Variants in SERPINB11 observed in about 807,000 individuals in gnomAD.
The protein encoded by SERPINB11 is serpin B11.
A neutral mutation model predicts 36.7 loss-of-function variants in SERPINB11; 32 were observed. The ratio of observed to expected loss-of-function variants is 0.87; its 90% confidence interval spans 0.66 to 1.17. The LOEUF is 1.17. SERPINB11 is among the 50% of genes most tolerant of loss of function. The pLI is 0.00. For missense variants in SERPINB11, 528 were observed against 458.4 expected, an observed-to-expected ratio of 1.15 and a Z score of -1.39; for synonymous variants, 174 against 168.1, an observed-to-expected ratio of 1.04 and a Z score of -0.27.
rs1019367494 is a variant in SERPINB11, at chr18:63,723,486, C to A, written c.*87C>A. The A allele has an allele frequency of 3.3e-6, 4 of 1,224,598 alleles. No individual in the cohort carries two copies. The African/African-American group carries it at 6.0e-5, about 18-fold the overall frequency. 75.9% of individuals were successfully genotyped at this position (1,224,598 alleles called of 1,614,324 possible). ...TCCCACGGCCAAAAAGCTGTTCACA[C>A]CTCACACACCTCTGTGCCTCAGTTT... On this transcript the variant is annotated 3_prime_UTR_variant, in exon 8 of 8. Coordinates refer to ENST00000544088, the MANE Select transcript of SERPINB11 (RefSeq NM_001370475.1).
intron 1 of SERPINB11, among the ~76,000 whole-genome samples, chr18:63,704,207 A>G (rs1469490103): frequency 6.6e-6 from 1 of 152,244 alleles, no homozygotes; most frequent in Non-Finnish European, 1.5e-5. Context: ...TGACAATTTC[A>G]CAGAAGAATT....
chr18:63,704,915 T>C (rs1914332280), intron 1 of SERPINB11, among the ~76,000 whole-genome samples: 2 of 152,194 alleles, frequency 1.3e-5, no homozygotes, highest in African/African-American at 2.4e-5. Flanking sequence ...AAGGAAACCA[T>C]TTGGGCATCT....
At position 63,711,285 on chromosome 18, in the gene SERPINB11, G is replaced by A. The variant is rs761738137; in HGVS notation, c.169-50G>A. ...ATACTTACAACTGTCAACCTTTATA[G>A]ACTGTACATTGCTTCTGATGCCAAA... is the stretch of plus-strand genomic sequence containing the variant. On this transcript the variant is annotated intron_variant, in intron 2 of 7. Transcript: ENST00000544088. 8.0e-6 allele frequency: 10 copies of A among 1,246,304 alleles called. No homozygotes were observed. In the East Asian group the frequency reaches 2.3e-4, roughly 29 times the overall value. The allele number at this position is 1,246,304 out of a possible 1,614,324, so 77.2% of individuals were successfully genotyped here.
intron 5 of SERPINB11, among the ~76,000 whole-genome samples, chr18:63,718,673 A>T (rs1377208313): frequency 6.6e-6 from 1 of 152,070 alleles, no homozygotes; most frequent in East Asian, 1.9e-4. Flanking sequence ...GATTTCTTTT[A>T]GCATAAGGAC....
chr18:63,711,415 T>A (rs751923462), intron 3 of SERPINB11, 21 bp downstream of exon 3: 39 of 1,534,544 alleles, frequency 2.5e-5, no homozygotes, highest in Non-Finnish European at 3.2e-5. Context: ...ATTACTGAGT[T>A]GTCAAATGCT....
chr18:63,716,293 A>T, intron 5 of SERPINB11, 141 bp downstream of exon 5: 1 of 514,818 alleles, frequency 1.9e-6, no homozygotes, highest in Non-Finnish European at 3.4e-6. Flanking sequence ...CATATTTTGG[A>T]ATACCCCTTA....
chr18:63,722,907 T>C (rs575302346), intron 7 of SERPINB11, 88 bp from the exon 8 acceptor site: 1 of 1,344,510 alleles, frequency 7.4e-7, no homozygotes, highest in South Asian at 1.6e-5. Flanking sequence ...GTTGAACCAC[T>C]CACACTGAGA....
intron 5 of SERPINB11, among the ~76,000 whole-genome samples, chr18:63,718,355 T>C (rs1355578597): frequency 6.6e-6 from 1 of 152,028 alleles, no homozygotes; most frequent in Non-Finnish European, 1.5e-5. Context: ...ATAGGATTTA[T>C]ATAGAATCTA....
At position 63,715,949 on chromosome 18, in the gene SERPINB11, T is replaced by C; in HGVS notation, c.358-86T>C. 4.0e-6 allele frequency: 3 copies of C among 757,240 alleles called. No homozygotes were observed. In the Admixed American group the frequency reaches 8.8e-5, roughly 22 times the overall value. 46.9% of individuals were successfully genotyped at this position (757,240 alleles called of 1,614,324 possible). Reference sequence around the variant, plus strand: ...ATGGGAACTGCTTTTTTCTCTGCATTAGAATTTTAGAATACATTGAGCTGT... The same window carrying C: ...ATGGGAACTGCTTTTTTCTCTGCATCAGAATTTTAGAATACATTGAGCTGT... On this transcript the variant is annotated intron_variant, in intron 4 of 7. Coordinates refer to ENST00000544088, the MANE Select transcript of SERPINB11 (RefSeq NM_001370475.1).
At position 63,722,977 on chromosome 18, in the gene SERPINB11, C is replaced by T. The variant is rs753627320; in HGVS notation, c.775-18C>T. ...GTGTGTTTGACTCATGTGGGCTTGT[C>T]TGTGTTTTGTCTCTTAGATAGAAAA... On this transcript the variant is annotated intron_variant, in intron 7 of 7. Coordinates refer to ENST00000544088, the MANE Select transcript of SERPINB11 (RefSeq NM_001370475.1). 6.5e-7 allele frequency: 1 copy of T among 1,541,596 alleles called. No homozygotes were observed. Among genetic ancestry groups the T allele is most frequent in the Non-Finnish European group, 8.7e-7 (1 of 1,149,032 alleles).
At chr18:63,704,384 T>A (rs1356999605) in intron 1 of SERPINB11, among the ~76,000 whole-genome samples, 2 of 152,118 alleles carry the variant, frequency 1.3e-5, no homozygotes, top group African/African-American at 4.8e-5. Flanking sequence ...ACATAGAAAC[T>A]CCATTGTGAA....
chr18:63,711,487 T>C, intron 3 of SERPINB11, 93 bp downstream of exon 3: 1 of 946,884 alleles, frequency 1.1e-6, no homozygotes, highest in Non-Finnish European at 1.7e-6. Flanking sequence ...CTCCTTCTTT[T>C]GCCCATGAGG....
In SERPINB11 at chr18:63,711,321, T is replaced by C. The variant is rs572855988; in HGVS notation, c.169-14T>C. ...GCTTCTGATGCCAAAAGATCCCTTT[T>C]TTTTCTTTTCTAGGTGCTTCATTTT... is the stretch of plus-strand genomic sequence containing the variant. On this transcript the variant is annotated splice_polypyrimidine_tract_variant and intron_variant, in intron 2 of 7. Transcript: ENST00000544088. 3.1e-6 allele frequency: 5 copies of C among 1,598,332 alleles called. No homozygotes were observed. The South Asian group carries it at 5.5e-5, about 18-fold the overall frequency.
intron 6 of SERPINB11, chr18:63,720,612 A>G (rs182178450): frequency 2.4e-4 from 113 of 467,900 alleles, no homozygotes; most frequent in African/African-American, 2.2e-3. Context: ...CTATCTCTAT[A>G]TATTATTAGA....
At chr18:63,717,753 A>G (rs540207947) in intron 5 of SERPINB11, among the ~76,000 whole-genome samples, 1 of 152,032 alleles carries the variant, frequency 6.6e-6, no homozygotes, top group Non-Finnish European at 1.5e-5. Flanking sequence ...CTACGTTGCA[A>G]GTAACTTCTA....
chr18:63,716,112 G>T lies in SERPINB11; in HGVS notation c.435G>T (p.Thr145=). Residue 145 remains threonine, a synonymous_variant, in exon 5 of 8, where the codon ACG becomes ACT. Transcript: ENST00000544088. Reference sequence around the variant, plus strand: ...ATTTTGAACAGTCTACAGAAGAAACGAGGAAAACGATTAATGCTTGGGTTG... The same window carrying T: ...ATTTTGAACAGTCTACAGAAGAAACTAGGAAAACGATTAATGCTTGGGTTG... ...TVDFEQSTEE[T]RKTINAWVEN... 1 of 1,611,136 alleles carries T rather than the reference G, an allele frequency of 6.2e-7. No individual in the cohort carries two copies. The highest frequency in any genetic ancestry group is 8.5e-7 in the Non-Finnish European group (1 of 1,178,068).
intron 1 of SERPINB11, among the ~76,000 whole-genome samples, chr18:63,706,356 C>T (rs947976509): frequency 5.9e-5 from 9 of 152,164 alleles, no homozygotes; most frequent in Non-Finnish European, 1.2e-4. Context: ...AAGGACATAT[C>T]CCAGTGAACA....
chr18:63,712,716 T>A, intron 4 of SERPINB11, 23 bp downstream of exon 4: 1 of 1,603,664 alleles, frequency 6.2e-7, no homozygotes, highest in South Asian at 1.1e-5. Flanking sequence ...GGAAGAGTGA[T>A]CAACAACTTT....
At chr18:63,720,760 G>T in intron 6 of SERPINB11, 71 bp from the exon 7 acceptor site, 1 of 1,139,742 alleles carries the variant, frequency 8.8e-7, no homozygotes, top group Non-Finnish European at 1.2e-6. Context: ...TCCGTGTTAT[G>T]CAAGGTAATC....
Sources: allele counts gnomAD v4.1 joint callset (sites outside exome capture counted in the v4.1 genomes callset), GRCh38; gene constraint gnomAD v4.1.1; transcripts MANE v1.5; gene names NCBI Gene and HGNC (gene_info 2026-07-23, HGNC 2026-07-21).